The following PARD3 variants were observed in gnomAD, a reference collection of about 807,000 sequenced individuals.
The protein encoded by PARD3 is partitioning defective 3 homolog.
In PARD3, 75 loss-of-function variants were observed where a neutral mutation model predicts 155.4. That is an observed-to-expected ratio of 0.48 (90% CI 0.40 to 0.58). The LOEUF is 0.58. PARD3 is among the 20% of genes least tolerant of loss of function. PARD3 has a pLI of 0.00. For missense variants in PARD3, 1,642 were observed against 1,721.7 expected (o/e 0.95, Z 0.82); for synonymous variants, 576 against 610.5 (o/e 0.94, Z 0.83).
chr10:34,647,122 G>C (rs1308457743), intron 2 of PARD3, among the ~76,000 whole-genome samples: 1 of 152,142 alleles, frequency 6.6e-6, no homozygotes, highest in East Asian at 1.9e-4. Context: ...TTTATACCTG[G>C]AACTTCAGGA....
chr10:34,279,170 A>T (rs1314031134), intron 21 of PARD3, among the ~76,000 whole-genome samples: 7 of 133,278 alleles, frequency 5.3e-5, no homozygotes, highest in Non-Finnish European at 7.7e-5. Flanking sequence ...TTTTAGAGAC[A>T]AGCTCTCACT....
At chr10:34,470,022 C>A in intron 4 of PARD3, 63 bp downstream of exon 4, 1 of 1,339,634 alleles carries the variant, frequency 7.5e-7, no homozygotes, top group Admixed American at 2.2e-5. Context: ...ACACGACACT[C>A]ATCACGGACA....
At position 34,753,434 on chromosome 10, in the gene PARD3, C is replaced by A. The variant is rs186072158; in HGVS notation, c.121-57015G>T. Among the ~76,000 whole-genome samples the A allele has an allele frequency of 6.2e-4, 95 of 152,340 alleles. 1 individual carries two copies. In the East Asian group the frequency reaches 0.011, roughly 17 times the overall value. On this transcript the variant is annotated intron_variant, in intron 1 of 24. Transcript: ENST00000374788. ...CCTCCTACAAAAGACTAGACCACCA[C>A]AAATGAAGCCTTGGAATACAGCCAT...
At chr10:34,421,342 G>A (rs1467157676) in intron 5 of PARD3, among the ~76,000 whole-genome samples, 1 of 149,106 alleles carries the variant, frequency 6.7e-6, no homozygotes, top group Non-Finnish European at 1.5e-5. Context: ...AATATTTAAA[G>A]TAAATATAAA....
intron 2 of PARD3, among the ~76,000 whole-genome samples, chr10:34,665,840 AAGAACAGAAC>A (rs60764123): frequency 0.15 from 20,330 of 136,550 alleles, 1,733 homozygotes; most frequent in East Asian, 0.35. Context: ...GTCTCAATTA[AAGAACAGAAC>A]AGAACAGAAC....
intron 1 of PARD3, among the ~76,000 whole-genome samples, chr10:34,759,966 T>C (rs1021696599): frequency 8.5e-5 from 13 of 152,214 alleles, no homozygotes; most frequent in African/African-American, 3.1e-4. Context: ...TGGAATTCCT[T>C]TATTCGTATT....
chr10:34,406,058 A>C (rs1353206377), intron 5 of PARD3, among the ~76,000 whole-genome samples: 1 of 152,198 alleles, frequency 6.6e-6, no homozygotes, highest in African/African-American at 2.4e-5. Context: ...AACAATGAGG[A>C]GTTATCTCCA....
At chr10:34,122,304 G>A (rs1947049517) in intron 23 of PARD3, among the ~76,000 whole-genome samples, 1 of 152,144 alleles carries the variant, frequency 6.6e-6, no homozygotes, top group South Asian at 2.1e-4. Flanking sequence ...TTTTTAAGTT[G>A]TTTCTCCCAT....
chr10:34,670,651 T>TA (rs2093594704), intron 2 of PARD3, among the ~76,000 whole-genome samples: 2 of 152,164 alleles, frequency 1.3e-5, no homozygotes, highest in Admixed American at 6.5e-5. Flanking sequence ...GTGCATGTTT[T>TA]AGAGTATCTA....
intron 22 of PARD3, among the ~76,000 whole-genome samples, chr10:34,268,570 C>T (rs1955452749): frequency 6.6e-6 from 1 of 152,022 alleles, no homozygotes; most frequent in African/African-American, 2.4e-5. Context: ...AAATGTGGCA[C>T]ATACATACCA....
chr10:34,704,338 G>A (rs2094330983), intron 1 of PARD3, among the ~76,000 whole-genome samples: 1 of 152,208 alleles, frequency 6.6e-6, no homozygotes, highest in African/African-American at 2.4e-5. Flanking sequence ...TGGTTCAGCT[G>A]TAAGTAGCTT....
At chr10:34,557,573 G>C in intron 2 of PARD3, among the ~76,000 whole-genome samples, 1 of 152,064 alleles carries the variant, frequency 6.6e-6, no homozygotes, top group Non-Finnish European at 1.5e-5. Context: ...CTGCCTCCCA[G>C]GTTGAAGCGA....
At chr10:34,681,733 TATA>T (rs2093828218) in intron 2 of PARD3, among the ~76,000 whole-genome samples, 972 of 14,476 alleles carry the variant, frequency 0.067, 14 homozygotes, top group Non-Finnish European at 0.093. Context: ...ATGTATTTTA[TATA>T]TATATATATA....
At chr10:34,675,672 T>A in intron 2 of PARD3, 1 of 197,656 alleles carries the variant, frequency 5.1e-6, no homozygotes, top group Non-Finnish European at 1.1e-5. Context: ...AATGACATCC[T>A]TGGCCTGAGA....
chr10:34,173,690 C>G (rs112080948), intron 22 of PARD3, among the ~76,000 whole-genome samples: 1,981 of 152,280 alleles, frequency 0.013, 49 homozygotes, highest in African/African-American at 0.045. Flanking sequence ...ATCATTCTCA[C>G]TTTTCTAAGA....
chr10:34,532,210 T>C (rs2082908056), intron 2 of PARD3, among the ~76,000 whole-genome samples: 1 of 152,214 alleles, frequency 6.6e-6, no homozygotes, highest in South Asian at 2.1e-4. Flanking sequence ...GGTATCTATA[T>C]ATATATTTTA....
chr10:34,270,882 G>A (rs561403558), intron 21 of PARD3, among the ~76,000 whole-genome samples: 2 of 152,170 alleles, frequency 1.3e-5, no homozygotes, highest in African/African-American at 4.8e-5. Context: ...CTGAAGTTAC[G>A]TTTAGTTTAC....
At chr10:34,627,082 C>T (rs1423352322) in intron 2 of PARD3, among the ~76,000 whole-genome samples, 3 of 151,394 alleles carry the variant, frequency 2.0e-5, no homozygotes, top group Non-Finnish European at 2.9e-5. Context: ...TGCAGTGGCA[C>T]AAACACAGCT....
intron 22 of PARD3, among the ~76,000 whole-genome samples, chr10:34,161,261 G>A (rs60987993): frequency 0.15 from 9,340 of 61,340 alleles, 934 homozygotes; most frequent in East Asian, 0.45. Flanking sequence ...AAAAAAAAAA[G>A]AAGAGAATCG....
Sources: allele counts gnomAD v4.1 joint callset (sites outside exome capture counted in the v4.1 genomes callset), GRCh38; gene constraint gnomAD v4.1.1; transcripts MANE v1.5; gene names NCBI Gene and HGNC (gene_info 2026-07-23, HGNC 2026-07-21).